DOCK3: variants seen among roughly 807,000 people sequenced by gnomAD.
DOCK3 encodes dedicator of cytokinesis protein 3.
DOCK3 carries 60 observed loss-of-function variants against 265.6 expected under a neutral mutation model. The observed-to-expected ratio is 0.23, with a 90% CI of 0.18 to 0.28. DOCK3 has a LOEUF of 0.28. Among genes scored for constraint, DOCK3 ranks in the 10% least tolerant of loss-of-function variants. The pLI is 1.00. For synonymous variants in DOCK3, 881 were observed against 938.0 expected, an observed-to-expected ratio of 0.94 and a Z score of 1.11; for missense variants, 1,981 against 2,594.3, an observed-to-expected ratio of 0.76 and a Z score of 5.14.
At chr3:50,698,798 G>A (rs192532682) in intron 1 of DOCK3, among the ~76,000 whole-genome samples, 22 of 151,698 alleles carry the variant, frequency 1.5e-4, no homozygotes, top group Admixed American at 1.1e-3. Flanking sequence ...GTGCTTATTG[G>A]CCATTTGTAT....
intron 5 of DOCK3, among the ~76,000 whole-genome samples, chr3:50,990,673 G>A (rs2078072126): frequency 1.3e-5 from 2 of 152,298 alleles, no homozygotes; most frequent in East Asian, 1.9e-4. Flanking sequence ...TCCGCGGGCT[G>A]AGGAGCAAGG....
rs143439658 is a variant in DOCK3 at position 50,972,948 on chromosome 3, G to A, written c.315+38871G>A. Among the ~76,000 whole-genome samples the A allele has an allele frequency of 7.6e-5, 11 of 145,016 alleles. No individual in the cohort carries two copies. The East Asian group carries it at 2.3e-3, about 30-fold the overall frequency. On this transcript the variant is annotated intron_variant, in intron 5 of 52. Transcript: ENST00000266037. ...TGGTTTTCCTATTTCTGTGAATAAT[G>A]TCATTGGTATTTTGATAGGGATTTC...
In DOCK3 at chr3:51,290,166, G is replaced by A. The variant is rs970298417; in HGVS notation, c.2922+9962G>A. On this transcript the variant is annotated intron_variant, in intron 27 of 52. Transcript: ENST00000266037. Reference sequence around the variant, plus strand: ...TCTAGAACTAGAAATACCATTTGACGCAGCCATCCCATTACTGGGTATATA... The same window carrying A: ...TCTAGAACTAGAAATACCATTTGACACAGCCATCCCATTACTGGGTATATA... 4.6e-5 allele frequency among the ~76,000 whole-genome samples: 7 copies of A among 152,080 alleles called. No homozygotes were observed. The East Asian group carries it at 5.8e-4, about 13-fold the overall frequency.
chr3:51,290,428 C>T (rs187556231), intron 27 of DOCK3, among the ~76,000 whole-genome samples: 109 of 152,122 alleles, frequency 7.2e-4, no homozygotes, highest in African/African-American at 2.0e-3. Flanking sequence ...AGCAAACTAT[C>T]GCAAGGACAG....
chr3:51,348,904 G>A lies in DOCK3; in HGVS notation c.3968G>A (p.Ser1323Asn), dbSNP rs1257844414. The change falls in exon 39 of 53, where the codon AGC becomes AAC. Residue 1323 changes from serine (S) to asparagine (N), a missense_variant. Ser to Asn is a conservative substitution (Grantham distance 46, BLOSUM62 1). This residue lies in a region of DOCK3 where 1,357 missense variants were observed against 1,866.8 expected (regional missense o/e 0.73). Transcript: ENST00000266037. Reference protein sequence around the residue: ...LCRELACQYESLYDYQSLSWI... With the variant: ...LCRELACQYENLYDYQSLSWI... ...AGGGAGCTGGCGTGTCAGTACGAGA[G>A]CCTCTATGATTACCAGAGCCTCAGC... 1.3e-6 allele frequency: 2 copies of A among 1,583,648 alleles called. No homozygotes were observed. The highest frequency in any genetic ancestry group is 3.6e-5 in the Admixed American group (2 of 55,574).
intron 3 of DOCK3, among the ~76,000 whole-genome samples, chr3:50,885,432 T>TGA (rs533383750): frequency 4.2e-4 from 64 of 151,876 alleles, no homozygotes; most frequent in Non-Finnish European, 8.7e-4. Context: ...AGGTGTGTAA[T>TGA]TGCTGGATCA....
At chr3:51,329,831 C>T (rs1373798867) in intron 32 of DOCK3, among the ~76,000 whole-genome samples, 2 of 152,164 alleles carry the variant, frequency 1.3e-5, no homozygotes, top group Non-Finnish European at 2.9e-5. Context: ...TGAAAAAGGC[C>T]TCTTTTGAAT....
intron 1 of DOCK3, chr3:50,719,466 G>A: frequency 1.3e-6 from 1 of 746,748 alleles, no homozygotes; most frequent in Non-Finnish European, 2.2e-6. Context: ...TTAAGATAAA[G>A]CACAAGTCAA....
rs768681885 is a variant in DOCK3 at position 51,237,476 on chromosome 3, T to G, written c.2002-14T>G. 11 of 1,610,696 alleles carry G rather than the reference T, an allele frequency of 6.8e-6. No homozygotes were observed. Among genetic ancestry groups the G allele is most frequent in the Middle Eastern group, 1.7e-4 (1 of 6,060 alleles). On this transcript the variant is annotated splice_polypyrimidine_tract_variant and intron_variant, in intron 20 of 52. Coordinates refer to ENST00000266037, the MANE Select transcript of DOCK3 (RefSeq NM_004947.5). ...TCCAGTGAACCCTGATGGCTTACTC[T>G]CCATATCTCCCAGGTGTTCATCATC...
chr3:50,866,368 C>G (rs1575398114), intron 3 of DOCK3, among the ~76,000 whole-genome samples: 1 of 152,056 alleles, frequency 6.6e-6, no homozygotes, highest in South Asian at 2.1e-4. Context: ...GCCTGTAATC[C>G]CAGCTACTCG....
intron 9 of DOCK3, among the ~76,000 whole-genome samples, chr3:51,094,613 A>T (rs1213598035): frequency 6.6e-6 from 1 of 151,048 alleles, no homozygotes; most frequent in Non-Finnish European, 1.5e-5. Flanking sequence ...AAAAAAATGA[A>T]CTCCTGGATT....
chr3:50,691,988 C>T (rs529264837), intron 1 of DOCK3, among the ~76,000 whole-genome samples: 1 of 150,668 alleles, frequency 6.6e-6, no homozygotes, highest in South Asian at 2.1e-4. Flanking sequence ...GATCATAGCT[C>T]ACTGCAGTTT....
chr3:51,317,746 A>G lies in DOCK3; in HGVS notation c.3402+2618A>G, dbSNP rs190283407. ...CATTTCACAATGTATACATATATCA[A>G]AACATCATATTGTACTCTATAAATA... On this transcript the variant is annotated intron_variant, in intron 32 of 52. Coordinates refer to ENST00000266037, the MANE Select transcript of DOCK3 (RefSeq NM_004947.5). Among the ~76,000 whole-genome samples the G allele has an allele frequency of 5.3e-5, 8 of 152,026 alleles. 1 individual carries two copies. The South Asian group carries it at 1.0e-3, about 20-fold the overall frequency.
At chr3:51,380,294 A>T (rs879948070) in intron 52 of DOCK3, 87 bp downstream of exon 52, 1 of 1,259,898 alleles carries the variant, frequency 7.9e-7, no homozygotes, top group Non-Finnish European at 1.1e-6. Flanking sequence ...TACAGGAGGA[A>T]CTGGAGCCCT....
At chr3:50,764,177 G>A (rs2040712890) in intron 1 of DOCK3, among the ~76,000 whole-genome samples, 1 of 151,896 alleles carries the variant, frequency 6.6e-6, no homozygotes, top group Non-Finnish European at 1.5e-5. Flanking sequence ...ACTGTGCTGA[G>A]TGCTTAGTCT....
At chr3:51,071,769 T>C (rs1239704617) in intron 6 of DOCK3, among the ~76,000 whole-genome samples, 1 of 152,178 alleles carries the variant, frequency 6.6e-6, no homozygotes, top group African/African-American at 2.4e-5. Context: ...TGTTGACCAT[T>C]CCCTGCATTC....
intron 13 of DOCK3, among the ~76,000 whole-genome samples, chr3:51,213,649 A>T (rs909727898): frequency 2.0e-5 from 3 of 152,160 alleles, no homozygotes; most frequent in South Asian, 2.1e-4. Context: ...GTTACTTCCC[A>T]CACTTTGGCA....
At chr3:51,360,362 C>CA in intron 46 of DOCK3, 149 bp from the exon 47 acceptor site, 1 of 1,065,308 alleles carries the variant, frequency 9.4e-7, no homozygotes, top group Non-Finnish European at 1.3e-6. Flanking sequence ...GGGCATTGCC[C>CA]AAAGGAAGTC....
chr3:51,267,385 CT>C (rs111513994), intron 23 of DOCK3, among the ~76,000 whole-genome samples: 10,376 of 136,526 alleles, frequency 0.076, 425 homozygotes, highest in East Asian at 0.24. Context: ...TTTTTTCTTT[CT>C]TTTTTTTTTT....
Sources: allele counts gnomAD v4.1 joint callset (sites outside exome capture counted in the v4.1 genomes callset), GRCh38; gene constraint gnomAD v4.1.1; regional missense constraint gnomAD v4.1.1; transcripts MANE v1.5; gene names NCBI Gene and HGNC (gene_info 2026-07-23, HGNC 2026-07-21).